B3GALT1: variants seen among roughly 807,000 people sequenced by gnomAD.
The protein encoded by B3GALT1 is beta-1,3-galactosyltransferase 1.
Under a neutral mutation model 23.2 loss-of-function variants are expected in B3GALT1, and 10 were observed. The ratio of observed to expected loss-of-function variants is 0.43; its 90% CI spans 0.27 to 0.73. The LOEUF (loss-of-function observed/expected upper bound fraction) is 0.73, where lower values mean the gene tolerates loss of function less well. Ranked by LOEUF, B3GALT1 falls within the 30% of genes least tolerant of loss-of-function variation. The probability of loss-of-function intolerance (pLI) is 0.21; values close to 1 mark genes in which losing one functional copy is unlikely to be tolerated. For synonymous variants in B3GALT1, 156 were observed against 141.5 expected (o/e 1.10, Z -0.73); for missense variants, 299 against 405.4 (o/e 0.74, Z 2.25).
At chr2:167,331,640 C>T (rs930936274) in intron 1 of B3GALT1, among the ~76,000 whole-genome samples, 1 of 152,100 alleles carries the variant, frequency 6.6e-6, no homozygotes, top group Admixed American at 6.5e-5. Flanking sequence ...GAGTGATCCC[C>T]AGGCTTCTGG....
At chr2:167,426,102 G>A (rs755593699) in intron 1 of B3GALT1, among the ~76,000 whole-genome samples, 1 of 152,118 alleles carries the variant, frequency 6.6e-6, no homozygotes, top group South Asian at 2.1e-4. Context: ...AGAATAGGAG[G>A]AAAGAAATTT....
At chr2:167,471,386 A>C (rs1402725569) in intron 1 of B3GALT1, among the ~76,000 whole-genome samples, 3 of 152,198 alleles carry the variant, frequency 2.0e-5, no homozygotes, top group East Asian at 3.9e-4. Context: ...AAAAAAATCT[A>C]TATACCAAAC....
rs56778756 is a variant in B3GALT1, at chr2:167,512,624, G to A, written c.-410+22347G>A. Among the ~76,000 whole-genome samples the A allele has an allele frequency of 9.6e-3, 474 of 49,574 alleles. 17 individuals are homozygous for A. The East Asian group carries it at 0.19, about 20-fold the overall frequency. The allele number at this position is 49,574 out of a possible 152,430, so 32.5% of individuals were successfully genotyped here. On this transcript the variant is annotated intron_variant, in intron 2 of 4. Coordinates refer to ENST00000392690, the MANE Select transcript of B3GALT1 (RefSeq NM_020981.4). ...TATATATATGTATATATATATACGT[G>A]TATATATATATACATATATATATAT...
intron 3 of B3GALT1, among the ~76,000 whole-genome samples, chr2:167,707,963 G>A (rs769890155): frequency 6.6e-6 from 1 of 152,236 alleles, no homozygotes; most frequent in African/African-American, 2.4e-5. Context: ...CATGCATAGT[G>A]TGGGTTTCAA....
intron 1 of B3GALT1, among the ~76,000 whole-genome samples, chr2:167,391,915 A>G (rs554181334): frequency 4.1e-4 from 63 of 152,280 alleles, no homozygotes; most frequent in Middle Eastern, 3.4e-3. Flanking sequence ...TTATACTCCC[A>G]CTTTTAATAA....
chr2:167,571,957 A>G (rs528700431), intron 2 of B3GALT1, among the ~76,000 whole-genome samples: 1 of 151,926 alleles, frequency 6.6e-6, no homozygotes, highest in African/African-American at 2.4e-5. Flanking sequence ...AACTTTTACA[A>G]TCAAACAAAA....
intron 3 of B3GALT1, among the ~76,000 whole-genome samples, chr2:167,747,735 C>T (rs1216369285): frequency 6.6e-6 from 1 of 152,170 alleles, no homozygotes; most frequent in Non-Finnish European, 1.5e-5. Context: ...ACTATATACA[C>T]AATAGTCATG....
At chr2:167,595,670 T>C (rs1325152781) in intron 2 of B3GALT1, among the ~76,000 whole-genome samples, 1 of 152,198 alleles carries the variant, frequency 6.6e-6, no homozygotes, top group Non-Finnish European at 1.5e-5. Flanking sequence ...GGTTAAATTA[T>C]TCACTTTAGA....
chr2:167,516,329 A>C (rs1700099777), intron 2 of B3GALT1, among the ~76,000 whole-genome samples: 1 of 152,126 alleles, frequency 6.6e-6, no homozygotes, highest in African/African-American at 2.4e-5. Flanking sequence ...CTTCTGCCTA[A>C]GCGAGTTCTC....
intron 3 of B3GALT1, among the ~76,000 whole-genome samples, chr2:167,660,444 A>G (rs1257695079): frequency 6.6e-6 from 1 of 152,122 alleles, no homozygotes; most frequent in Non-Finnish European, 1.5e-5. Context: ...AACAAGCTTA[A>G]TGTTCTCTAA....
intron 3 of B3GALT1, among the ~76,000 whole-genome samples, chr2:167,728,199 C>T (rs748717993): frequency 6.6e-5 from 10 of 152,132 alleles, no homozygotes; most frequent in African/African-American, 1.4e-4. Context: ...ACCAGCCTGG[C>T]CAACATGGCG....
chr2:167,752,000 C>T (rs1687746155), intron 3 of B3GALT1, among the ~76,000 whole-genome samples: 1 of 152,110 alleles, frequency 6.6e-6, no homozygotes, highest in Admixed American at 6.5e-5. Context: ...TATACCTCCA[C>T]AGGAAAATCA....
chr2:167,819,691 C>T (rs952096285), intron 4 of B3GALT1, among the ~76,000 whole-genome samples: 9 of 152,186 alleles, frequency 5.9e-5, no homozygotes, highest in East Asian at 1.9e-4. Flanking sequence ...AGAATCAGAC[C>T]CTGAAATACA....
At chr2:167,339,299 C>T (rs1169203080) in intron 1 of B3GALT1, among the ~76,000 whole-genome samples, 1 of 151,408 alleles carries the variant, frequency 6.6e-6, no homozygotes, top group East Asian at 1.9e-4. Flanking sequence ...GCAAGTTGCG[C>T]AGGTAATACA....
intron 2 of B3GALT1, among the ~76,000 whole-genome samples, chr2:167,498,542 T>C (rs756436661): frequency 7.2e-5 from 11 of 152,196 alleles, no homozygotes; most frequent in Non-Finnish European, 1.5e-4. Flanking sequence ...TTCTATGTTA[T>C]GTAGCAAGCA....
chr2:167,642,009 G>T (rs1230085278), intron 2 of B3GALT1, among the ~76,000 whole-genome samples: 2 of 152,070 alleles, frequency 1.3e-5, no homozygotes, highest in Non-Finnish European at 1.5e-5. Flanking sequence ...TTCTCCAGAG[G>T]TTCTGTTCTC....
intron 4 of B3GALT1, among the ~76,000 whole-genome samples, chr2:167,860,022 C>T (rs1690068855): frequency 6.6e-6 from 1 of 152,220 alleles, no homozygotes; most frequent in Admixed American, 6.5e-5. Flanking sequence ...TGTTTTATGT[C>T]TTCCTCTCCT....
chr2:167,856,760 C>G, intron 4 of B3GALT1, among the ~76,000 whole-genome samples: 1 of 152,136 alleles, frequency 6.6e-6, no homozygotes. Context: ...GGAGAGAGTG[C>G]CCAGTTAAGG....
intron 3 of B3GALT1, among the ~76,000 whole-genome samples, chr2:167,762,864 A>C (rs1687917647): frequency 6.6e-6 from 1 of 152,248 alleles, no homozygotes; most frequent in African/African-American, 2.4e-5. Context: ...CAAAGGCAAC[A>C]TTCTTTCTTC....
Sources: gnomAD v4.1 joint callset for allele counts (sites outside exome capture counted in the v4.1 genomes callset) on GRCh38, gnomAD v4.1.1 for gene constraint, MANE v1.5 for transcripts, NCBI Gene and HGNC (gene_info 2026-07-23, HGNC 2026-07-21) for gene names.